The following CHRM2 variants were observed in gnomAD, a reference collection of about 807,000 sequenced individuals.
CHRM2 encodes muscarinic acetylcholine receptor M2.
A neutral mutation model predicts 25.0 loss-of-function variants in CHRM2; 8 were observed. The observed-to-expected ratio is 0.32, with a 90% CI of 0.19 to 0.58. The LOEUF (loss-of-function observed/expected upper bound fraction) is 0.58. CHRM2 is among the 20% of genes least tolerant of loss of function. CHRM2 has a pLI of 0.88. For synonymous variants in CHRM2, 202 were observed against 205.7 expected, an observed-to-expected ratio of 0.98 and a Z score of 0.15; for missense variants, 440 against 567.1, an observed-to-expected ratio of 0.78 and a Z score of 2.28.
intron 2 of CHRM2, among the ~76,000 whole-genome samples, chr7:136,908,765 C>G (rs1396947700): frequency 6.6e-6 from 1 of 151,718 alleles, no homozygotes; most frequent in Non-Finnish European, 1.5e-5. Flanking sequence ...TGATGAGTAT[C>G]CTGCAAAAGC....
At chr7:136,945,956 T>G (rs1800049542) in intron 2 of CHRM2, among the ~76,000 whole-genome samples, 1 of 152,108 alleles carries the variant, frequency 6.6e-6, no homozygotes, top group South Asian at 2.1e-4. Context: ...CTATATAATA[T>G]TTTTATGTTA....
At chr7:136,876,198 G>A (rs116155635) in intron 2 of CHRM2, among the ~76,000 whole-genome samples, 325 of 152,246 alleles carry the variant, frequency 2.1e-3, no homozygotes, top group African/African-American at 7.4e-3. Flanking sequence ...TTTGGAAGGC[G>A]AAGCCATGGG....
intron 2 of CHRM2, among the ~76,000 whole-genome samples, chr7:136,877,373 G>T (rs1796090521): frequency 6.6e-6 from 1 of 152,024 alleles, no homozygotes; most frequent in South Asian, 2.1e-4. Context: ...AGTTAAATCA[G>T]TCTCGGCTAC....
intron 2 of CHRM2, among the ~76,000 whole-genome samples, chr7:136,911,931 A>G (rs1797864490): frequency 6.6e-6 from 1 of 151,920 alleles, no homozygotes; most frequent in African/African-American, 2.4e-5. Flanking sequence ...CATTTTTTAC[A>G]TATTATAACC....
chr7:137,010,559 G>C (rs1360168524), intron 3 of CHRM2, among the ~76,000 whole-genome samples: 1 of 152,062 alleles, frequency 6.6e-6, no homozygotes. Context: ...GGAGGAAACT[G>C]CTTTCTTCAG....
intron 2 of CHRM2, among the ~76,000 whole-genome samples, chr7:136,937,863 C>T (rs1584787704): frequency 1.3e-5 from 2 of 152,118 alleles, no homozygotes; most frequent in East Asian, 3.9e-4. Flanking sequence ...TTTCTTTCAC[C>T]ACCAAACACA....
At chr7:136,905,529 T>C (rs771095479) in intron 2 of CHRM2, among the ~76,000 whole-genome samples, 2 of 151,824 alleles carry the variant, frequency 1.3e-5, no homozygotes, top group Non-Finnish European at 2.9e-5. Context: ...ACACTTTGCT[T>C]GTAATTCTAG....
intron 3 of CHRM2, among the ~76,000 whole-genome samples, chr7:137,012,910 C>T (rs1414172669): frequency 6.6e-6 from 1 of 151,872 alleles, no homozygotes; most frequent in Admixed American, 6.6e-5. Flanking sequence ...GCTAGTCCCA[C>T]CAAAAGTATT....
chr7:136,939,915 C>A lies in CHRM2; in HGVS notation c.-124-52272C>A, dbSNP rs142999350. ...TATCCAGTGAATATTGATTGTATAACAATTTTAGTCTAGGAACAGCTTACT... is the reference window on the plus strand; with the variant it reads ...TATCCAGTGAATATTGATTGTATAAAAATTTTAGTCTAGGAACAGCTTACT... On this transcript the variant is annotated intron_variant, in intron 2 of 3. Transcript: ENST00000680005. Among the ~76,000 whole-genome samples the A allele has an allele frequency of 6.4e-3, 967 of 152,246 alleles. 4 individuals carry two copies. Among genetic ancestry groups the A allele is most frequent in the Non-Finnish European group, 0.011 (741 of 67,992 alleles).
At chr7:136,984,658 C>T (rs1368438251) in intron 2 of CHRM2, among the ~76,000 whole-genome samples, 1 of 152,120 alleles carries the variant, frequency 6.6e-6, no homozygotes, top group Non-Finnish European at 1.5e-5. Flanking sequence ...AGCACCATTC[C>T]TCACGGCACA....
intron 2 of CHRM2, among the ~76,000 whole-genome samples, chr7:136,924,213 AT>A (rs773331674): frequency 8.6e-5 from 13 of 151,262 alleles, no homozygotes; most frequent in Admixed American, 2.6e-4. Context: ...AGTTGTATGT[AT>A]TTTTTTTATT....
intron 2 of CHRM2, among the ~76,000 whole-genome samples, chr7:136,967,601 G>A (rs1477436689): frequency 2.0e-5 from 3 of 151,918 alleles, no homozygotes; most frequent in African/African-American, 7.2e-5. Flanking sequence ...ACACACATTA[G>A]GCCCTTCCAA....
chr7:136,985,710 A>G (rs1802813364), intron 2 of CHRM2, among the ~76,000 whole-genome samples: 1 of 152,120 alleles, frequency 6.6e-6, no homozygotes, highest in Non-Finnish European at 1.5e-5. Flanking sequence ...TTTATTTAGA[A>G]CATAATGTTA....
intron 3 of CHRM2, among the ~76,000 whole-genome samples, chr7:136,993,566 G>A (rs1301696195): frequency 6.6e-6 from 1 of 152,204 alleles, no homozygotes; most frequent in Non-Finnish European, 1.5e-5. Flanking sequence ...ATACGGAGAA[G>A]TGCCAGAGAT....
chr7:136,968,232 T>C (rs1166747683), intron 2 of CHRM2, among the ~76,000 whole-genome samples: 4 of 151,942 alleles, frequency 2.6e-5, no homozygotes, highest in Non-Finnish European at 5.9e-5. Context: ...CTGTTCCCCA[T>C]CCCACTGCCA....
At chr7:136,998,918 G>A (rs971753833) in intron 3 of CHRM2, among the ~76,000 whole-genome samples, 3 of 152,040 alleles carry the variant, frequency 2.0e-5, no homozygotes, top group Non-Finnish European at 4.4e-5. Context: ...AACAATAGAA[G>A]TAGCTACCAG....
chr7:136,906,237 T>C (rs1307568234), intron 2 of CHRM2, among the ~76,000 whole-genome samples: 2 of 151,020 alleles, frequency 1.3e-5, no homozygotes, highest in Non-Finnish European at 3.0e-5. Context: ...TGTATGTATG[T>C]ACATATTATA....
chr7:137,012,989 G>A (rs1319857273), intron 3 of CHRM2, among the ~76,000 whole-genome samples: 1 of 151,828 alleles, frequency 6.6e-6, no homozygotes, highest in African/African-American at 2.4e-5. Flanking sequence ...TTTAAACTGT[G>A]GGGTTGAGTA....
chr7:136,879,427 C>G (rs893797727), intron 2 of CHRM2, among the ~76,000 whole-genome samples: 1 of 151,980 alleles, frequency 6.6e-6, no homozygotes, highest in Non-Finnish European at 1.5e-5. Flanking sequence ...TGGAATAATT[C>G]TGTTCCTGTT....
Sources: allele counts gnomAD v4.1 joint callset (sites outside exome capture counted in the v4.1 genomes callset), GRCh38; gene constraint gnomAD v4.1.1; transcripts MANE v1.5; gene names NCBI Gene and HGNC (gene_info 2026-07-23, HGNC 2026-07-21).